Variants in ENTREP2 observed in about 807,000 individuals in gnomAD.
ENTREP2 encodes endosomal transmembrane epsin interactor 2, also known as protein ENTREP2.
At chr15:29,590,942 A>G in the ENTREP2 span, among the ~76,000 whole-genome samples, 3 of 152,144 alleles carry the variant, frequency 2.0e-5, no homozygotes, top group African/African-American at 7.2e-5. Context: ...AGTTTAACAA[A>G]CTGCTGTGTA....
chr15:29,202,510 G>A, the ENTREP2 span, among the ~76,000 whole-genome samples: 3 of 152,104 alleles, frequency 2.0e-5, no homozygotes, highest in Non-Finnish European at 2.9e-5. Flanking sequence ...GGATACAGGT[G>A]CAGAATGTAC....
the ENTREP2 span, among the ~76,000 whole-genome samples, chr15:29,476,844 T>G: frequency 2.6e-5 from 4 of 152,144 alleles, no homozygotes; most frequent in Non-Finnish European, 5.9e-5. Flanking sequence ...GCCACCACCC[T>G]GGAAAACCGA....
At chr15:29,257,555 T>C in the ENTREP2 span, among the ~76,000 whole-genome samples, 14 of 152,350 alleles carry the variant, frequency 9.2e-5, no homozygotes, top group African/African-American at 3.4e-4. Context: ...GGATAAATGT[T>C]TGTTTAATGT....
chr15:29,654,142 G>C, the ENTREP2 span, among the ~76,000 whole-genome samples: 1 of 152,146 alleles, frequency 6.6e-6, no homozygotes, highest in Non-Finnish European at 1.5e-5. Flanking sequence ...CTTGTCCAAA[G>C]TTTGAACTGA....
chr15:29,162,910 C>T, the ENTREP2 span, among the ~76,000 whole-genome samples: 1 of 152,116 alleles, frequency 6.6e-6, no homozygotes, highest in Non-Finnish European at 1.5e-5. Context: ...GTCCACTGCA[C>T]ACCCCCCACC....
At chr15:29,370,980 T>G in the ENTREP2 span, among the ~76,000 whole-genome samples, 2 of 152,218 alleles carry the variant, frequency 1.3e-5, no homozygotes, top group East Asian at 3.9e-4. Context: ...TGTCGCTAGT[T>G]TTCAGCATTT....
At chr15:29,255,106 T>C in the ENTREP2 span, among the ~76,000 whole-genome samples, 97,762 of 151,998 alleles carry the variant, frequency 0.64, 35,565 homozygotes, top group Middle Eastern at 0.81. Context: ...GAGAAGATAG[T>C]ACAGGATCAT....
chr15:29,532,115 C>T, the ENTREP2 span, among the ~76,000 whole-genome samples: 1 of 152,100 alleles, frequency 6.6e-6, no homozygotes, highest in Non-Finnish European at 1.5e-5. Context: ...CTTTAACTTC[C>T]TCCTCCTATC....
At chr15:29,570,455 C>G in the ENTREP2 span, 9 of 1,162,430 alleles carry the variant, frequency 7.7e-6, no homozygotes, top group Non-Finnish European at 9.7e-6. Context: ...CTAGCCCCCC[C>G]GGCCCGCGCA....
chr15:29,431,766 C>T, the ENTREP2 span, among the ~76,000 whole-genome samples: 2 of 152,238 alleles, frequency 1.3e-5, no homozygotes, highest in Admixed American at 1.3e-4. Context: ...TTCACACACT[C>T]AAAATTTAAA....
the ENTREP2 span, among the ~76,000 whole-genome samples, chr15:29,595,067 CAAAAAAAAAAAA>C: frequency 3.2e-4 from 28 of 86,592 alleles, no homozygotes; most frequent in African/African-American, 6.9e-4. Flanking sequence ...GACTCCGTCT[CAAAAAAAAAAAA>C]AAAAAAAAAA....
At chr15:29,216,961 C>T in the ENTREP2 span, among the ~76,000 whole-genome samples, 9 of 152,180 alleles carry the variant, frequency 5.9e-5, no homozygotes, top group African/African-American at 2.2e-4. Context: ...AAAATTCTCT[C>T]AGCCCCAAAG....
the ENTREP2 span, among the ~76,000 whole-genome samples, chr15:29,650,010 G>C: frequency 6.6e-6 from 1 of 152,080 alleles, no homozygotes; most frequent in Non-Finnish European, 1.5e-5. Context: ...AAATTGTGAT[G>C]GTGGGACACA....
chr15:29,591,884 A>AGAAGAG, the ENTREP2 span, among the ~76,000 whole-genome samples: 4 of 138,250 alleles, frequency 2.9e-5, no homozygotes, highest in African/African-American at 1.1e-4. Context: ...AAGAAGAAGA[A>AGAAGAG]GAAGAAGAAG....
At chr15:29,569,614 A>G in the ENTREP2 span, 32 of 152,234 alleles carry the variant, frequency 2.1e-4, no homozygotes, top group African/African-American at 7.2e-4. Flanking sequence ...CTCTGCATAT[A>G]TATCTCTCCC....
chr15:29,427,389 G>A, the ENTREP2 span, among the ~76,000 whole-genome samples: 1 of 152,126 alleles, frequency 6.6e-6, no homozygotes, highest in African/African-American at 2.4e-5. Flanking sequence ...TCCTATTGCT[G>A]CTGCAACCAA....
At chr15:29,657,152 A>C in the ENTREP2 span, among the ~76,000 whole-genome samples, 1 of 151,466 alleles carries the variant, frequency 6.6e-6, no homozygotes, top group African/African-American at 2.4e-5. Context: ...CGTTCCGGCC[A>C]TTCTCCTGCC....
chr15:29,363,802 T>C, the ENTREP2 span, among the ~76,000 whole-genome samples: 5 of 152,212 alleles, frequency 3.3e-5, no homozygotes, highest in African/African-American at 9.7e-5. Context: ...TTTATACTTA[T>C]GCATAAAGTA....
At chr15:29,160,342 G>A in the ENTREP2 span, among the ~76,000 whole-genome samples, 1 of 152,154 alleles carries the variant, frequency 6.6e-6, no homozygotes, top group Non-Finnish European at 1.5e-5. Flanking sequence ...AGCGTGGGCT[G>A]AAGGGCTCCT....
Sources: gnomAD v4.1 joint callset for allele counts (sites outside exome capture counted in the v4.1 genomes callset) on GRCh38, gnomAD v4.1.1 for gene constraint, MANE v1.5 for transcripts, NCBI Gene and HGNC (gene_info 2026-07-23, HGNC 2026-07-21) for gene names.